The following AP3D1 variants were observed in gnomAD, a reference collection of about 807,000 sequenced individuals.
AP3D1 encodes AP-3 complex subunit delta-1.
AP3D1 carries 51 observed loss-of-function variants against 147.6 expected under a neutral mutation model. That is an observed-to-expected ratio of 0.35 (90% CI 0.28 to 0.44). AP3D1 has a LOEUF of 0.44. Among genes scored for constraint, AP3D1 ranks in the 20% least tolerant of loss-of-function variants. The pLI is 1.00. For missense variants in AP3D1, 1,421 were observed against 1,624.2 expected (o/e 0.87, Z 2.15); for synonymous variants, 760 against 663.0 (o/e 1.15, Z -2.25).
chr19:2,155,493 C>T (rs899861164), upstream of AP3D1, among the ~76,000 whole-genome samples: 6 of 148,456 alleles, frequency 4.0e-5, no homozygotes, highest in Non-Finnish European at 7.4e-5. Flanking sequence ...GAAATTGTGC[C>T]CCTGCACTCC....
At chr19:2,109,293 C>T (rs77080617) in intron 29 of AP3D1, 86 bp from the exon 30 acceptor site, 15,160 of 1,480,628 alleles carry the variant, frequency 0.01, 104 homozygotes, top group Middle Eastern at 0.013. Context: ...CTGCCACACA[C>T]GCTGCGCTTG....
At chr19:2,132,619 G>A in intron 4 of AP3D1, 41 bp from the exon 5 acceptor site, 3 of 1,566,222 alleles carry the variant, frequency 1.9e-6, no homozygotes, top group Non-Finnish European at 2.6e-6. Flanking sequence ...GGATGCCCTG[G>A]GTGGCACATC....
chr19:2,113,822 A>G (rs1282537836), intron 22 of AP3D1, among the ~76,000 whole-genome samples: 1 of 152,188 alleles, frequency 6.6e-6, no homozygotes, highest in Non-Finnish European at 1.5e-5. Context: ...ACGGTTCTGG[A>G]GCTGCACGTG....
intron 4 of AP3D1, among the ~76,000 whole-genome samples, chr19:2,134,395 T>G (rs2145127173): frequency 6.6e-6 from 1 of 151,414 alleles, no homozygotes; most frequent in South Asian, 2.1e-4. Context: ...CTCTCCAGCC[T>G]GGGTGACAGA....
rs575689758 is a variant in AP3D1, at chr19:2,142,746, G to T, written c.97-4032C>A. On this transcript the variant is annotated intron_variant, in intron 1 of 31. Transcript: ENST00000643116. ...CTCACCCCAATGGGGGCTCTGAGGG[G>T]TTTTTTCTGTTTTTTTTTTTTCTTT... Among the ~76,000 whole-genome samples, 14 of 141,930 alleles carry T rather than the reference G, an allele frequency of 9.9e-5. No homozygotes were observed. The South Asian group carries it at 1.9e-3, about 20-fold the overall frequency. 93.1% of individuals were successfully genotyped at this position (141,930 alleles called of 152,430 possible).
chr19:2,152,891 A>T (rs2019584653), upstream of AP3D1, among the ~76,000 whole-genome samples: 1 of 151,510 alleles, frequency 6.6e-6, no homozygotes, highest in Non-Finnish European at 1.5e-5. Context: ...AAACAAAACA[A>T]ACCAAAAAAA....
chr19:2,132,700 T>C (rs2018982786), intron 4 of AP3D1, 122 bp from the exon 5 acceptor site: 2 of 734,320 alleles, frequency 2.7e-6, no homozygotes, highest in Non-Finnish European at 4.6e-6. Context: ...GCATATCCTC[T>C]TGGGGTGCAG....
chr19:2,114,077 G>C, intron 22 of AP3D1, 48 bp downstream of exon 22: 2 of 1,530,388 alleles, frequency 1.3e-6, no homozygotes, highest in Non-Finnish European at 1.8e-6. Context: ...GGAGTTCACG[G>C]CAAGGGAGGG....
At chr19:2,104,838 C>T (rs78204056) in intron 31 of AP3D1, among the ~76,000 whole-genome samples, 5,813 of 151,886 alleles carry the variant, frequency 0.038, 228 homozygotes, top group East Asian at 0.21. Flanking sequence ...TTAGTACTGG[C>T]TAATTTTTTT....
At chr19:2,107,260 A>AG (rs929712011) in intron 31 of AP3D1, among the ~76,000 whole-genome samples, 14 of 106,714 alleles carry the variant, frequency 1.3e-4, no homozygotes, top group African/African-American at 4.4e-4. Context: ...ACTCCATCTC[A>AG]AAAAAAAAAA....
intron 1 of AP3D1, among the ~76,000 whole-genome samples, chr19:2,159,579 G>T (rs1440109349): frequency 6.6e-6 from 1 of 151,888 alleles, no homozygotes; most frequent in Non-Finnish European, 1.5e-5. Flanking sequence ...TAGTAGAGAC[G>T]GGGTTTCACC....
At chr19:2,122,800 G>C (rs1309216248) in intron 11 of AP3D1, among the ~76,000 whole-genome samples, 2 of 152,188 alleles carry the variant, frequency 1.3e-5, no homozygotes, top group Non-Finnish European at 2.9e-5. Flanking sequence ...TTGCAGGCGA[G>C]TTTGCCAACT....
At chr19:2,123,600 G>A (rs983109677) in intron 10 of AP3D1, among the ~76,000 whole-genome samples, 194 bp from the exon 11 acceptor site, 8 of 152,098 alleles carry the variant, frequency 5.3e-5, no homozygotes, top group Admixed American at 2.0e-4. Flanking sequence ...TCCCACGGGC[G>A]CTCTCCCCCA....
rs370028563 is a variant in AP3D1, at chr19:2,114,418, C to A, written c.2424-116G>T. On this transcript the variant is annotated intron_variant, in intron 21 of 31. Coordinates refer to ENST00000643116, the MANE Select transcript of AP3D1 (RefSeq NM_001261826.3). ...CGGGACCTGCTCCTCCAGCCCCTGG[C>A]CCCAGCCATGGCCCAACATAGATCT... The A allele has an allele frequency of 5.1e-5, 45 of 881,114 alleles. No individual in the cohort carries two copies. In the Middle Eastern group the frequency reaches 1.5e-3, roughly 29 times the overall value. 54.6% of individuals were successfully genotyped at this position (881,114 alleles called of 1,614,324 possible).
intron 4 of AP3D1, among the ~76,000 whole-genome samples, chr19:2,132,806 G>C (rs565015684): frequency 6.6e-6 from 1 of 152,342 alleles, no homozygotes; most frequent in South Asian, 2.1e-4. Flanking sequence ...CACCAAGAGA[G>C]GAGCCGGGAT....
chr19:2,111,624 C>T (rs950907842), intron 25 of AP3D1, 55 bp downstream of exon 25: 24 of 1,528,312 alleles, frequency 1.6e-5, no homozygotes, highest in African/African-American at 6.9e-5. Flanking sequence ...TGGGGAGCAG[C>T]GCACAGCCCG....
chr19:2,122,720 G>A (rs2018646074), intron 11 of AP3D1, among the ~76,000 whole-genome samples: 1 of 152,234 alleles, frequency 6.6e-6, no homozygotes, highest in South Asian at 2.1e-4. Flanking sequence ...TGGGGTGCTT[G>A]CCTATTTTTG....
rs933003940 is a variant in AP3D1 at position 2,147,007 on chromosome 19, C to T, written c.96+4232G>A. Among the ~76,000 whole-genome samples the T allele has an allele frequency of 3.3e-5, 5 of 149,624 alleles. No homozygotes were observed. The East Asian group carries it at 7.8e-4, about 23-fold the overall frequency. ...AACATCCACAGTGGTGAGGGGCAGA[C>T]GCTGATCTAGTGGAATGACTGACGT... On this transcript the variant is annotated intron_variant, in intron 1 of 31. Coordinates refer to ENST00000643116, the MANE Select transcript of AP3D1 (RefSeq NM_001261826.3).
At chr19:2,117,639 C>G (rs989838616) in intron 15 of AP3D1, among the ~76,000 whole-genome samples, 1 of 152,366 alleles carries the variant, frequency 6.6e-6, no homozygotes, top group Middle Eastern at 3.4e-3. Context: ...AGGTCAGTGC[C>G]CCGACACCAG....
Sources: allele counts gnomAD v4.1 joint callset (sites outside exome capture counted in the v4.1 genomes callset), GRCh38; gene constraint gnomAD v4.1.1; transcripts MANE v1.5; gene names NCBI Gene and HGNC (gene_info 2026-07-23, HGNC 2026-07-21).